Variants in GRM5 observed in about 807,000 individuals in gnomAD.
GRM5 encodes the protein metabotropic glutamate receptor 5.
A neutral mutation model predicts 83.1 loss-of-function variants in GRM5; 19 were observed. The observed-to-expected ratio is 0.23, with a 90% CI of 0.16 to 0.34. GRM5 has a LOEUF of 0.34. Among genes scored for constraint, GRM5 ranks in the 10% least tolerant of loss-of-function variants. The pLI is 1.00. For missense variants in GRM5, 1,160 were observed against 1,588.3 expected (o/e 0.73, Z 4.58); for synonymous variants, 675 against 633.6 (o/e 1.07, Z -0.98).
intron 8 of GRM5, among the ~76,000 whole-genome samples, chr11:88,547,799 C>T (rs1376026125): frequency 1.3e-5 from 2 of 152,096 alleles, no homozygotes; most frequent in Non-Finnish European, 2.9e-5. Context: ...TCTCAGCTTT[C>T]ACAAGTGTAA....
chr11:88,885,450 G>GGTTTTTTT lies in GRM5; in HGVS notation c.662-35296_662-35295insAAAAAAAC, dbSNP rs1945027301. On this transcript the variant is annotated intron_variant, in intron 2 of 9. Coordinates refer to ENST00000305447, the MANE Select transcript of GRM5 (RefSeq NM_001143831.3). ...TTCTGAATTCTATAGTAGGTACCATGTTTTTTTTTTTTTTTTTTTTTTTTT... is the reference window on the plus strand; with the variant it reads ...TTCTGAATTCTATAGTAGGTACCATGGTTTTTTTTTTTTTTTTTTTTTTTTTTTTTTTT... Among the ~76,000 whole-genome samples, 55 of 62,662 alleles carry GGTTTTTTT rather than the reference G, an allele frequency of 8.8e-4. 20 individuals are homozygous for GGTTTTTTT. Among genetic ancestry groups the GGTTTTTTT allele is most frequent in the African/African-American group, 2.4e-3 (41 of 16,890 alleles). 41.1% of individuals were successfully genotyped at this position (62,662 alleles called of 152,430 possible). A position where few individuals can be genotyped will look rare whatever the true frequency, so the allele number is the denominator to read the frequency against.
At chr11:88,939,157 T>C (rs947226123) in intron 2 of GRM5, among the ~76,000 whole-genome samples, 16 of 151,784 alleles carry the variant, frequency 1.1e-4, no homozygotes, top group Admixed American at 4.0e-4. Context: ...TGAAATAATT[T>C]CTCTTCTCTT....
intron 3 of GRM5, among the ~76,000 whole-genome samples, chr11:88,716,367 G>C (rs1362713481): frequency 6.6e-6 from 1 of 151,820 alleles, no homozygotes; most frequent in Non-Finnish European, 1.5e-5. Flanking sequence ...TTATTAGGGT[G>C]GTGGGTGGGT....
chr11:88,870,502 A>T (rs1383106653), intron 2 of GRM5, among the ~76,000 whole-genome samples: 1 of 151,522 alleles, frequency 6.6e-6, no homozygotes, highest in Non-Finnish European at 1.5e-5. Flanking sequence ...TTAATCATAA[A>T]GCCACTTCTA....
intron 3 of GRM5, among the ~76,000 whole-genome samples, chr11:88,711,715 G>A (rs572061029): frequency 6.6e-6 from 1 of 152,198 alleles, no homozygotes; most frequent in East Asian, 1.9e-4. Flanking sequence ...ATGTAAAACA[G>A]TGTCTGACAA....
rs371760521 is a variant in GRM5, at chr11:88,850,009, T to C, written c.808A>G (p.Lys270Glu). ...CAGAAGCAGGCCACCACCCGGGCCT[T>C]GGGCAAGTGACTTGTGAGCTTCTTC... ...LLKKLTSHLPKARVVACFCEG... is the reference protein window; with the variant it reads ...LLKKLTSHLPEARVVACFCEG... The change falls in exon 3 of 10, where the codon AAG (lysine) becomes GAG (glutamate). Residue 270 changes from lysine (K) to glutamate (E), a missense_variant. Lys to Glu is a moderately conservative substitution (Grantham distance 56, BLOSUM62 1). This residue lies in a region of GRM5 where 84 missense variants were observed against 231.0 expected (regional missense o/e 0.36). Transcript: ENST00000305447. 6.2e-7 allele frequency: 1 copy of C among 1,613,734 alleles called. No individual in the cohort carries two copies. Among genetic ancestry groups the C allele is most frequent in the African/African-American group, 1.3e-5 (1 of 75,022 alleles).
chr11:88,979,002 C>T (rs992552550), intron 2 of GRM5, among the ~76,000 whole-genome samples: 1 of 152,064 alleles, frequency 6.6e-6, no homozygotes, highest in African/African-American at 2.4e-5. Flanking sequence ...CACCTCCTAC[C>T]GTCTTTAAAA....
chr11:88,965,408 G>A (rs1162830627), intron 2 of GRM5, among the ~76,000 whole-genome samples: 2 of 152,026 alleles, frequency 1.3e-5, no homozygotes, highest in African/African-American at 2.4e-5. Context: ...TGAACTCCAT[G>A]CTCATGACCT....
Position 88,567,720 on chromosome 11 carries a change from G to A in GRM5, c.1963C>T (p.Pro655Ser), listed in dbSNP as rs1942904015. Residue 655 changes from proline (P) to serine (S), a missense_variant, in exon 8 of 10, where the codon CCA becomes TCA. Physicochemically the swap from Pro to Ser is moderately conservative, Grantham distance 74. This residue lies in a region of GRM5 where 132 missense variants were observed against 245.5 expected (regional missense o/e 0.54). Coordinates refer to ENST00000305447, the MANE Select transcript of GRM5 (RefSeq NM_001143831.3). The surrounding 1 kb of genome is among the most constrained non-coding windows in gnomAD (Gnocchi z 7.3). Reference sequence around the variant, plus strand: ...ACAAGGGCTGAGTAGCTCATGGCTGGGGAGAGACCAATGCCAATTCTCTGA... The same window carrying A: ...ACAAGGGCTGAGTAGCTCATGGCTGAGGAGAGACCAATGCCAATTCTCTGA... ...YLQRIGIGLS[P>S]AMSYSALVTK... The A allele has an allele frequency of 6.2e-7, 1 of 1,614,014 alleles. No individual in the cohort carries two copies. The highest frequency in any genetic ancestry group is 8.5e-7 in the Non-Finnish European group (1 of 1,179,938).
intron 7 of GRM5, among the ~76,000 whole-genome samples, chr11:88,584,421 CTTTCT>C (rs910104933): frequency 2.0e-4 from 30 of 151,726 alleles, no homozygotes; most frequent in African/African-American, 4.1e-4. Flanking sequence ...ATTGCATTTT[CTTTCT>C]TTTCTTTTCT....
chr11:88,893,142 C>CAAAAAAAAAAAA (rs398017016), intron 2 of GRM5, among the ~76,000 whole-genome samples: 3 of 118,582 alleles, frequency 2.5e-5, no homozygotes, highest in Non-Finnish European at 1.8e-5. Context: ...TAATAGTCAC[C>CAAAAAAAAAAAA]AAAAAAAAAA....
At chr11:88,809,392 AG>A (rs1212890811) in intron 3 of GRM5, among the ~76,000 whole-genome samples, 1 of 152,088 alleles carries the variant, frequency 6.6e-6, no homozygotes. Context: ...ATCTTAAGCA[AG>A]CCAATTAGGA....
intron 3 of GRM5, among the ~76,000 whole-genome samples, chr11:88,769,355 T>C (rs1240719628): frequency 2.1e-5 from 3 of 143,892 alleles, no homozygotes; most frequent in Non-Finnish European, 4.6e-5. Context: ...CAGGTCATTA[T>C]ACACACATTT....
intron 2 of GRM5, among the ~76,000 whole-genome samples, chr11:89,017,850 G>A (rs1369390078): frequency 6.6e-6 from 1 of 152,098 alleles, no homozygotes; most frequent in Non-Finnish European, 1.5e-5. Context: ...TACAGAGAAA[G>A]GGTCATAAGT....
intron 7 of GRM5, among the ~76,000 whole-genome samples, chr11:88,587,834 G>GACTT (rs1943349427): frequency 1.3e-5 from 2 of 152,052 alleles, no homozygotes; most frequent in African/African-American, 4.8e-5. Context: ...ACTCCTCAAT[G>GACTT]ACTTACCACT....
chr11:88,942,061 A>C (rs1486070868), intron 2 of GRM5, among the ~76,000 whole-genome samples: 1 of 152,018 alleles, frequency 6.6e-6, no homozygotes, highest in Non-Finnish European at 1.5e-5. Context: ...AAAACAAAAC[A>C]CAGAAATGCA....
At chr11:88,705,731 TA>T (rs1295115404) in intron 3 of GRM5, among the ~76,000 whole-genome samples, 1 of 151,866 alleles carries the variant, frequency 6.6e-6, no homozygotes, top group East Asian at 1.9e-4. Context: ...GATTAATCTC[TA>T]AAAAATCCAA....
At chr11:88,733,305 T>C (rs924110785) in intron 3 of GRM5, among the ~76,000 whole-genome samples, 1 of 152,018 alleles carries the variant, frequency 6.6e-6, no homozygotes, top group Non-Finnish European at 1.5e-5. Flanking sequence ...TTAAAATATA[T>C]ATCATCCTCT....
intron 3 of GRM5, among the ~76,000 whole-genome samples, chr11:88,813,370 A>G (rs1226758444): frequency 6.6e-6 from 1 of 152,132 alleles, no homozygotes; most frequent in Non-Finnish European, 1.5e-5. Flanking sequence ...TTCTCTCACT[A>G]GGTTTGCCAA....
Sources: allele counts gnomAD v4.1 joint callset (sites outside exome capture counted in the v4.1 genomes callset), GRCh38; gene constraint gnomAD v4.1.1; regional missense constraint gnomAD v4.1.1; non-coding constraint Gnocchi (gnomAD v3.1); transcripts MANE v1.5; gene names NCBI Gene and HGNC (gene_info 2026-07-23, HGNC 2026-07-21).